Variants in ADAMTSL3 observed in about 807,000 individuals in gnomAD.
ADAMTSL3 encodes ADAMTS like 3.
Under a neutral mutation model 201.7 loss-of-function variants are expected in ADAMTSL3, and 128 were observed. That is an observed-to-expected ratio of 0.63 (90% CI 0.55 to 0.73). The LOEUF is 0.73. Ranked by LOEUF, ADAMTSL3 falls within the 30% of genes least tolerant of loss-of-function variation. The probability of loss-of-function intolerance (pLI) is 0.00; values close to 1 mark genes in which losing one functional copy is unlikely to be tolerated. For missense variants in ADAMTSL3, 1,990 were observed against 2,119.6 expected (o/e 0.94, Z 1.20); for synonymous variants, 738 against 748.4 (o/e 0.99, Z 0.23).
At chr15:83,856,538 C>A (rs1231020822) in intron 7 of ADAMTSL3, among the ~76,000 whole-genome samples, 2 of 152,056 alleles carry the variant, frequency 1.3e-5, no homozygotes, top group African/African-American at 4.8e-5. Flanking sequence ...CAAAAAACAT[C>A]TGTGAGAACC....
intron 2 of ADAMTSL3, among the ~76,000 whole-genome samples, chr15:83,689,817 A>G (rs1427222695): frequency 6.6e-6 from 1 of 152,122 alleles, no homozygotes; most frequent in Non-Finnish European, 1.5e-5. Flanking sequence ...ATTCTTTGAA[A>G]GAGTTTTCTT....
At chr15:83,767,598 G>C in intron 3 of ADAMTSL3, among the ~76,000 whole-genome samples, 1 of 152,150 alleles carries the variant, frequency 6.6e-6, no homozygotes, top group Non-Finnish European at 1.5e-5. Flanking sequence ...AACCTTCAGA[G>C]CTGGGGCTAA....
chr15:83,700,154 G>A, intron 2 of ADAMTSL3, among the ~76,000 whole-genome samples: 1 of 152,180 alleles, frequency 6.6e-6, no homozygotes, highest in East Asian at 1.9e-4. Context: ...ACACTGGAAG[G>A]TCCACTATAT....
In ADAMTSL3 at chr15:83,847,046, G is replaced by A. The variant is rs558104660; in HGVS notation, c.727+8831G>A. On this transcript the variant is annotated intron_variant, in intron 7 of 29. Transcript: ENST00000286744. Reference sequence around the variant, plus strand: ...AGTTTAGGCCAGTAAATAAACATACGTCAGGTTGGGAGCAGATGTTTCTGC... The same window carrying A: ...AGTTTAGGCCAGTAAATAAACATACATCAGGTTGGGAGCAGATGTTTCTGC... Among the ~76,000 whole-genome samples, 13 of 152,278 alleles carry A rather than the reference G, an allele frequency of 8.5e-5. No individual in the cohort carries two copies. In the South Asian group the frequency reaches 2.3e-3, roughly 27 times the overall value.
chr15:83,891,470 T>C (rs2065497331), intron 12 of ADAMTSL3, 91 bp downstream of exon 12: 1 of 1,074,786 alleles, frequency 9.3e-7, no homozygotes, highest in South Asian at 1.3e-5. Context: ...TGTATGAGGG[T>C]TAGATATTAA....
At chr15:83,946,707 A>C (rs567293710) in intron 19 of ADAMTSL3, among the ~76,000 whole-genome samples, 258 of 152,318 alleles carry the variant, frequency 1.7e-3, no homozygotes, top group African/African-American at 6.0e-3. Flanking sequence ...CAGATCGTTC[A>C]TTGGAGGGGT....
At chr15:83,812,444 G>A (rs1567161252) in intron 5 of ADAMTSL3, among the ~76,000 whole-genome samples, 1 of 152,088 alleles carries the variant, frequency 6.6e-6, no homozygotes, top group Non-Finnish European at 1.5e-5. Flanking sequence ...TTCTTTTGAG[G>A]GATACTTGCC....
At chr15:83,779,391 G>T (rs568946113) in intron 4 of ADAMTSL3, among the ~76,000 whole-genome samples, 8 of 152,130 alleles carry the variant, frequency 5.3e-5, no homozygotes, top group Non-Finnish European at 8.8e-5. Flanking sequence ...AAAGGCAAAA[G>T]AACTGAAATC....
At chr15:83,699,225 C>G (rs116265198) in intron 2 of ADAMTSL3, among the ~76,000 whole-genome samples, 121 of 152,250 alleles carry the variant, frequency 7.9e-4, no homozygotes, top group African/African-American at 2.8e-3. Flanking sequence ...CAAACTCAAG[C>G]TCTTCACATG....
chr15:83,927,037 C>T (rs2066258902), intron 17 of ADAMTSL3, among the ~76,000 whole-genome samples: 1 of 152,200 alleles, frequency 6.6e-6, no homozygotes, highest in African/African-American at 2.4e-5. Flanking sequence ...ATACTGCTTT[C>T]CCAACCATGG....
chr15:83,983,116 A>G lies in ADAMTSL3; in HGVS notation c.3488A>G (p.His1163Arg), dbSNP rs978403269. The G allele has an allele frequency of 9.3e-6, 15 of 1,613,974 alleles. No homozygotes were observed. The highest frequency in any genetic ancestry group is 1.3e-5 in the African/African-American group (1 of 74,938). ...GETGSVSQSS[H>R]AKNSGKLTFK... ...ACAGGGAGTGTGTCCCAAAGCTCGC[A>G]TGCAAAAAACTCAGGCAAGCTGACA... is the stretch of plus-strand genomic sequence containing the variant. Residue 1163 changes from histidine to arginine, a missense_variant, in exon 21 of 30, where the codon CAT (histidine) becomes CGT (arginine). Physicochemically the swap from His to Arg is conservative, Grantham distance 29. Coordinates refer to ENST00000286744, the MANE Select transcript of ADAMTSL3 (RefSeq NM_207517.3).
At chr15:83,699,297 C>A (rs2061733328) in intron 2 of ADAMTSL3, among the ~76,000 whole-genome samples, 1 of 152,156 alleles carries the variant, frequency 6.6e-6, no homozygotes. Context: ...TCTATCCTCA[C>A]CAACAAATCA....
intron 4 of ADAMTSL3, among the ~76,000 whole-genome samples, chr15:83,775,883 T>C (rs1269658919): frequency 1.3e-5 from 2 of 152,174 alleles, no homozygotes; most frequent in South Asian, 2.1e-4. Flanking sequence ...CCTATTTACA[T>C]GTGCTAACCC....
At chr15:83,678,826 A>G (rs900170786) in intron 2 of ADAMTSL3, among the ~76,000 whole-genome samples, 11 of 115,544 alleles carry the variant, frequency 9.5e-5, no homozygotes, top group African/African-American at 3.5e-4. Flanking sequence ...TAAAATATAA[A>G]TATATATAAA....
At chr15:83,720,853 A>G (rs989764947) in intron 3 of ADAMTSL3, among the ~76,000 whole-genome samples, 2 of 152,224 alleles carry the variant, frequency 1.3e-5, no homozygotes, top group African/African-American at 2.4e-5. Flanking sequence ...ATTTTAAGAC[A>G]TGGATTTATA....
chr15:84,036,827 AGGC>A lies in ADAMTSL3; in HGVS notation c.4810_4812del (p.Gly1604del). 2 of 1,614,072 alleles carry A rather than the reference AGGC, an allele frequency of 1.2e-6. No individual in the cohort carries two copies. Among genetic ancestry groups the A allele is most frequent in the Non-Finnish European group, 1.7e-6 (2 of 1,180,002 alleles). Reference sequence around the variant, plus strand: ...GGGCCTGTGATGTGTGTTGGCACACAGGCCCTTGGAAGCCCTGTACAGCAGCCT... The same window carrying A: ...GGGCCTGTGATGTGTGTTGGCACACACCTTGGAAGCCCTGTACAGCAGCCT... On this transcript the variant is annotated inframe_deletion, in exon 29 of 30. Coordinates refer to ENST00000286744, the MANE Select transcript of ADAMTSL3 (RefSeq NM_207517.3).
chr15:83,717,001 CAT>C (rs1221587842), intron 3 of ADAMTSL3, among the ~76,000 whole-genome samples: 1 of 152,172 alleles, frequency 6.6e-6, no homozygotes, highest in African/African-American at 2.4e-5. Context: ...TGCATTAAGA[CAT>C]ATATTTATCA....
chr15:83,825,358 C>T (rs1468900191), intron 6 of ADAMTSL3, among the ~76,000 whole-genome samples: 1 of 152,170 alleles, frequency 6.6e-6, no homozygotes. Flanking sequence ...TGCCTATAAT[C>T]ACAACACTTT....
At chr15:83,964,436 T>G (rs910447034) in intron 19 of ADAMTSL3, among the ~76,000 whole-genome samples, 1 of 151,400 alleles carries the variant, frequency 6.6e-6, no homozygotes, top group South Asian at 2.1e-4. Context: ...AGATTGAAGA[T>G]GAACTTAATG....
Sources: allele counts gnomAD v4.1 joint callset (sites outside exome capture counted in the v4.1 genomes callset), GRCh38; gene constraint gnomAD v4.1.1; transcripts MANE v1.5; gene names NCBI Gene and HGNC (gene_info 2026-07-23, HGNC 2026-07-21).